VPS8: variants seen among roughly 807,000 people sequenced by gnomAD.
VPS8 encodes VPS8 subunit of CORVET complex.
Under a neutral mutation model 216.4 loss-of-function variants are expected in VPS8, and 129 were observed. The ratio of observed to expected loss-of-function variants is 0.60; its 90% CI spans 0.52 to 0.69. The LOEUF is 0.69. Ranked by LOEUF, VPS8 falls within the 30% of genes least tolerant of loss-of-function variation. The pLI, the probability that VPS8 is intolerant of heterozygous loss-of-function variation, is 0.00. For synonymous variants in VPS8, 571 were observed against 565.4 expected (o/e 1.01, Z -0.14); for missense variants, 1,531 against 1,683.5 (o/e 0.91, Z 1.59).
At chr3:184,884,127 G>T (rs1219934754) in intron 21 of VPS8, among the ~76,000 whole-genome samples, 1 of 151,938 alleles carries the variant, frequency 6.6e-6, no homozygotes, top group Non-Finnish European at 1.5e-5. Context: ...CAACGTGCAG[G>T]TTTGTTACAT....
intron 3 of VPS8, among the ~76,000 whole-genome samples, chr3:184,826,590 G>A (rs1577738976): frequency 6.6e-6 from 1 of 152,170 alleles, no homozygotes; most frequent in African/African-American, 2.4e-5. Flanking sequence ...GGGTCTCTGT[G>A]CCCAGAACAA....
chr3:185,002,368 G>A (rs1753534350), intron 45 of VPS8, among the ~76,000 whole-genome samples: 1 of 152,184 alleles, frequency 6.6e-6, no homozygotes, highest in South Asian at 2.1e-4. Context: ...CTCTTGCAGT[G>A]AAGAAAGGTA....
intron 46 of VPS8, among the ~76,000 whole-genome samples, chr3:185,033,453 A>G (rs1291682841): frequency 6.6e-6 from 1 of 152,200 alleles, no homozygotes; most frequent in African/African-American, 2.4e-5. Flanking sequence ...GCATGGCTTA[A>G]TAGCTCTTTT....
intron 26 of VPS8, among the ~76,000 whole-genome samples, chr3:184,914,287 A>T (rs920833206): frequency 2.6e-5 from 4 of 152,224 alleles, no homozygotes; most frequent in African/African-American, 9.6e-5. Context: ...TAAACTCTTC[A>T]GGATATGCTG....
chr3:185,027,672 T>G (rs79523700), intron 46 of VPS8, among the ~76,000 whole-genome samples: 1,573 of 152,292 alleles, frequency 0.01, 33 homozygotes, highest in African/African-American at 0.036. Context: ...AAATACTCAT[T>G]TAGAAATAGG....
At chr3:184,848,561 ATTCT>A (rs1723603463) in intron 8 of VPS8, among the ~76,000 whole-genome samples, 5 of 90,514 alleles carry the variant, frequency 5.5e-5, no homozygotes, top group African/African-American at 2.1e-4. Context: ...TTTTTCCTGT[ATTCT>A]TTTTTTTTTT....
At chr3:184,934,242 T>C (rs1741209851) in intron 34 of VPS8, among the ~76,000 whole-genome samples, 2 of 152,064 alleles carry the variant, frequency 1.3e-5, no homozygotes, top group African/African-American at 4.8e-5. Flanking sequence ...ACCATCTAGG[T>C]TCACTGCAAC....
intron 16 of VPS8, among the ~76,000 whole-genome samples, chr3:184,864,888 T>G (rs963460066): frequency 1.2e-4 from 18 of 152,166 alleles, no homozygotes; most frequent in Non-Finnish European, 1.3e-4. Flanking sequence ...AAATCACACC[T>G]GACATAAATG....
At chr3:184,955,578 C>G (rs1213496600) in intron 36 of VPS8, among the ~76,000 whole-genome samples, 1 of 151,912 alleles carries the variant, frequency 6.6e-6, no homozygotes, top group African/African-American at 2.4e-5. Flanking sequence ...GGTAGTGGTT[C>G]CCCGGGCCCA....
Position 184,819,634 on chromosome 3 carries a change from G to C in VPS8, c.-88-4911G>C, listed in dbSNP as rs576319859. On this transcript the variant is annotated intron_variant, in intron 1 of 47. Transcript: ENST00000625842. ...TGGGCAACACCAACCCACAAGGTAA[G>C]GGTTAATATTTCAGAATGTTGGATA... Among the ~76,000 whole-genome samples the C allele has an allele frequency of 6.6e-5, 10 of 152,150 alleles. No individual in the cohort carries two copies. The South Asian group carries it at 2.1e-3, about 32-fold the overall frequency.
intron 11 of VPS8, among the ~76,000 whole-genome samples, chr3:184,853,468 G>T (rs114266124): frequency 6.6e-6 from 1 of 152,176 alleles, no homozygotes; most frequent in Admixed American, 6.5e-5. Flanking sequence ...TCCAGGCAGA[G>T]ACCATTCAGA....
In VPS8 at chr3:184,978,969, G is replaced by A. The variant is rs141513820; in HGVS notation, c.3421-3597G>A. Among the ~76,000 whole-genome samples the A allele has an allele frequency of 9.8e-4, 149 of 152,270 alleles. 2 individuals are homozygous for A. The highest frequency in any genetic ancestry group is 3.3e-3 in the African/African-American group (139 of 41,558). The stretch of plus-strand genomic sequence containing the variant: ...AAACTTACCTCTTAACACTGCTTTA[G>A]CTGTGTCCCAGAGATTCTGGTATGC... On this transcript the variant is annotated intron_variant, in intron 40 of 47. Coordinates refer to ENST00000625842, the MANE Select transcript of VPS8 (RefSeq NM_001009921.3).
At chr3:184,901,693 G>C (rs984965779) in intron 25 of VPS8, among the ~76,000 whole-genome samples, 2 of 152,020 alleles carry the variant, frequency 1.3e-5, no homozygotes, top group Non-Finnish European at 1.5e-5. Flanking sequence ...TCAAGATATA[G>C]AAAACTTTCA....
intron 36 of VPS8, among the ~76,000 whole-genome samples, chr3:184,954,287 TGG>T (rs899600838): frequency 6.6e-6 from 1 of 152,116 alleles, no homozygotes; most frequent in African/African-American, 2.4e-5. Flanking sequence ...ACTTAGTCCT[TGG>T]GGTTTTTATG....
chr3:184,973,769 C>T (rs915021535), intron 40 of VPS8, among the ~76,000 whole-genome samples: 2 of 152,032 alleles, frequency 1.3e-5, no homozygotes, highest in African/African-American at 4.8e-5. Flanking sequence ...TTTTTTAGCT[C>T]CCCACATGTA....
At chr3:184,982,423 A>C in intron 40 of VPS8, 143 bp from the exon 41 acceptor site, 1 of 496,704 alleles carries the variant, frequency 2.0e-6, no homozygotes, top group Non-Finnish European at 3.4e-6. Flanking sequence ...TTCCATTTTT[A>C]TTTTTTCTAA....
At chr3:185,044,642 C>T (rs1226524616) in intron 46 of VPS8, among the ~76,000 whole-genome samples, 1 of 152,086 alleles carries the variant, frequency 6.6e-6, no homozygotes, top group East Asian at 1.9e-4. Context: ...TTCAGTCTGT[C>T]TCTGTGGCCT....
intron 45 of VPS8, among the ~76,000 whole-genome samples, chr3:185,023,145 C>T (rs1756883998): frequency 6.6e-6 from 1 of 152,214 alleles, no homozygotes; most frequent in Non-Finnish European, 1.5e-5. Context: ...CTGGCAACCA[C>T]TGATTATCTT....
intron 38 of VPS8, among the ~76,000 whole-genome samples, chr3:184,965,797 G>A (rs778300979): frequency 6.6e-6 from 1 of 152,186 alleles, no homozygotes; most frequent in Non-Finnish European, 1.5e-5. Flanking sequence ...CATTGCAATG[G>A]TACAGGTATG....
Sources: gnomAD v4.1 joint callset for allele counts (sites outside exome capture counted in the v4.1 genomes callset) on GRCh38, gnomAD v4.1.1 for gene constraint, MANE v1.5 for transcripts, NCBI Gene and HGNC (gene_info 2026-07-23, HGNC 2026-07-21) for gene names.